The following INPP4B variants were observed in gnomAD, a reference collection of about 807,000 sequenced individuals.
The protein encoded by INPP4B is inositol polyphosphate-4-phosphatase type II B, also known as inositol polyphosphate 4-phosphatase type II.
A neutral mutation model predicts 122.5 loss-of-function variants in INPP4B; 55 were observed. The observed-to-expected ratio is 0.45, with a 90% CI of 0.36 to 0.56. The LOEUF is 0.56. Ranked by LOEUF, INPP4B falls within the 20% of genes least tolerant of loss-of-function variation. INPP4B has a pLI of 0.00. For synonymous variants in INPP4B, 403 were observed against 388.7 expected, an observed-to-expected ratio of 1.04 and a Z score of -0.43; for missense variants, 1,000 against 1,097.7, an observed-to-expected ratio of 0.91 and a Z score of 1.26.
intron 2 of INPP4B, among the ~76,000 whole-genome samples, chr4:142,708,509 G>C (rs889263001): frequency 2.0e-5 from 3 of 152,148 alleles, no homozygotes; most frequent in Non-Finnish European, 2.9e-5. Flanking sequence ...GGACACTGCT[G>C]TCTGCATCCC....
chr4:142,263,336 A>T (rs1178064115), intron 10 of INPP4B, among the ~76,000 whole-genome samples: 1 of 152,018 alleles, frequency 6.6e-6, no homozygotes, highest in African/African-American at 2.4e-5. Context: ...GACTACTTCA[A>T]AAGTTGTTCT....
chr4:142,610,930 G>C (rs547629156), intron 2 of INPP4B, among the ~76,000 whole-genome samples: 1 of 151,972 alleles, frequency 6.6e-6, no homozygotes, highest in African/African-American at 2.4e-5. Context: ...AGCTTTCTTG[G>C]ACCACCACAA....
intron 2 of INPP4B, among the ~76,000 whole-genome samples, chr4:142,467,603 G>A (rs1416270323): frequency 6.6e-6 from 1 of 151,830 alleles, no homozygotes; most frequent in Non-Finnish European, 1.5e-5. Flanking sequence ...ATTTCTAGAT[G>A]AGACTTTAGA....
chr4:142,722,659 C>T (rs1764837927), intron 2 of INPP4B, among the ~76,000 whole-genome samples: 1 of 152,064 alleles, frequency 6.6e-6, no homozygotes, highest in Non-Finnish European at 1.5e-5. Flanking sequence ...ATCACTTCTC[C>T]ATAAAAATGT....
chr4:142,103,918 G>T (rs1206225219), intron 23 of INPP4B, among the ~76,000 whole-genome samples: 4 of 151,710 alleles, frequency 2.6e-5, no homozygotes, highest in Non-Finnish European at 5.9e-5. Flanking sequence ...TATTGATGTA[G>T]TTGATGAAAC....
At chr4:142,524,235 G>A (rs533863606) in intron 2 of INPP4B, among the ~76,000 whole-genome samples, 248 of 152,224 alleles carry the variant, frequency 1.6e-3, no homozygotes, top group African/African-American at 5.7e-3. Flanking sequence ...TCGCCGCACC[G>A]ACTTCCACAA....
At chr4:142,351,617 TAC>T (rs1781948270) in intron 7 of INPP4B, among the ~76,000 whole-genome samples, 1 of 152,012 alleles carries the variant, frequency 6.6e-6, no homozygotes, top group African/African-American at 2.4e-5. Flanking sequence ...CCATAGAAAC[TAC>T]TTCCTTTTGG....
intron 2 of INPP4B, among the ~76,000 whole-genome samples, chr4:142,663,334 A>G (rs1016658410): frequency 1.3e-4 from 20 of 152,216 alleles, no homozygotes; most frequent in African/African-American, 4.3e-4. Context: ...AATTAGAATA[A>G]TGAGAACAGG....
intron 1 of INPP4B, among the ~76,000 whole-genome samples, chr4:142,745,684 A>T (rs1023062732): frequency 1.6e-4 from 25 of 152,004 alleles, no homozygotes; most frequent in Non-Finnish European, 2.9e-4. Flanking sequence ...CCTACAAAAA[A>T]GTCGATTTAA....
intron 1 of INPP4B, among the ~76,000 whole-genome samples, chr4:142,843,071 T>C (rs576256875): frequency 2.7e-4 from 40 of 150,606 alleles, no homozygotes; most frequent in African/African-American, 7.0e-4. Context: ...TTGATTCAAG[T>C]GACCATTGTG....
At chr4:142,840,819 G>A (rs1284095548) in intron 1 of INPP4B, among the ~76,000 whole-genome samples, 1 of 151,860 alleles carries the variant, frequency 6.6e-6, no homozygotes, top group Non-Finnish European at 1.5e-5. Flanking sequence ...CAGAACAACA[G>A]GTCTAAAATA....
intron 1 of INPP4B, among the ~76,000 whole-genome samples, chr4:142,837,676 C>T (rs1262585950): frequency 1.3e-5 from 2 of 151,996 alleles, no homozygotes; most frequent in African/African-American, 2.4e-5. Context: ...AAAAAAATCC[C>T]TCAATACTGG....
intron 12 of INPP4B, among the ~76,000 whole-genome samples, chr4:142,220,757 G>A (rs1057323407): frequency 2.6e-5 from 4 of 152,158 alleles, no homozygotes; most frequent in African/African-American, 9.7e-5. Flanking sequence ...AGGTCAAGGT[G>A]TTAGCAGGTT....
At chr4:142,557,280 T>C in intron 2 of INPP4B, among the ~76,000 whole-genome samples, 1 of 152,164 alleles carries the variant, frequency 6.6e-6, no homozygotes. Context: ...ATTCGGATGT[T>C]AAGAGCAACA....
At chr4:142,164,021 T>C (rs929539647) in intron 16 of INPP4B, among the ~76,000 whole-genome samples, 2 of 151,866 alleles carry the variant, frequency 1.3e-5, no homozygotes, top group African/African-American at 4.8e-5. Flanking sequence ...GGCAGATCTA[T>C]TTTATTTTTT....
At chr4:142,591,582 G>T (rs188753005) in intron 2 of INPP4B, among the ~76,000 whole-genome samples, 1 of 152,028 alleles carries the variant, frequency 6.6e-6, no homozygotes, top group Non-Finnish European at 1.5e-5. Flanking sequence ...CTTAAATGTG[G>T]TCTGTGTACA....
At chr4:142,117,757 T>C (rs1033135630) in intron 21 of INPP4B, among the ~76,000 whole-genome samples, 2 of 152,020 alleles carry the variant, frequency 1.3e-5, no homozygotes, top group African/African-American at 2.4e-5. Context: ...CTCTCACCAC[T>C]CCTATTCAAC....
intron 2 of INPP4B, among the ~76,000 whole-genome samples, chr4:142,618,904 AC>A (rs1248557283): frequency 2.0e-4 from 30 of 151,962 alleles, no homozygotes; most frequent in African/African-American, 6.5e-4. Flanking sequence ...TAAATAAATA[AC>A]AGCCAAATAA....
At chr4:142,652,160 A>G (rs1753107783) in intron 2 of INPP4B, among the ~76,000 whole-genome samples, 1 of 152,210 alleles carries the variant, frequency 6.6e-6, no homozygotes, top group East Asian at 1.9e-4. Flanking sequence ...GCCTTCGACA[A>G]AATTCGACAG....
Sources: allele counts gnomAD v4.1 joint callset (sites outside exome capture counted in the v4.1 genomes callset), GRCh38; gene constraint gnomAD v4.1.1; transcripts MANE v1.5; gene names NCBI Gene and HGNC (gene_info 2026-07-23, HGNC 2026-07-21).